Variants in CAPS observed in about 807,000 individuals in gnomAD.
CAPS encodes the protein calcyphosine, also known as calcyphosin.
CAPS carries 16 observed loss-of-function variants against 15.5 expected under a neutral mutation model. That is an observed-to-expected ratio of 1.03 (90% confidence interval 0.70 to 1.57). The LOEUF is 1.57. Ranked by LOEUF, CAPS falls within the 40% of genes most tolerant of loss-of-function variation. The pLI, the probability that CAPS is intolerant of heterozygous loss-of-function variation, is 0.00. For synonymous variants in CAPS, 121 were observed against 116.0 expected (o/e 1.04, Z -0.28); for missense variants, 294 against 278.4 (o/e 1.06, Z -0.40).
In CAPS at chr19:5,914,651, G is replaced by A. The variant is rs202009632; in HGVS notation, c.172G>A (p.Asp58Asn). 1.2e-6 allele frequency: 2 copies of A among 1,614,016 alleles called. No individual in the cohort carries two copies. Among genetic ancestry groups the A allele is most frequent in the Admixed American group, 1.7e-5 (1 of 60,030 alleles). Reference protein sequence around the residue: ...QGLAKLGLVLDQAEAEGVCRK... With the variant: ...QGLAKLGLVLNQAEAEGVCRK... ...TCTGGCCAAACTCGGGCTGGTGCTG[G>A]ACCAGGCGGAGGCAGAGGGTGTGTG... is the stretch of plus-strand genomic sequence containing the variant. Residue 58 changes from aspartate to asparagine, a missense_variant, in exon 3 of 5, where the codon GAC becomes AAC. By Grantham distance (23) the Asp-to-Asn change is conservative. Transcript: ENST00000588776.
rs748128231 is a variant in CAPS, at chr19:5,915,158, C to T, written c.468+12C>T. On this transcript the variant is annotated intron_variant, in intron 4 of 4. Coordinates refer to ENST00000588776, the MANE Select transcript of CAPS (RefSeq NM_004058.5). ...AGAAGGACGGGCAGGTGGGTGGCTG[C>T]GCGGGGGGCCCCCTCCCCAGGCAGT... 2.3e-5 allele frequency: 37 copies of T among 1,612,016 alleles called. No homozygotes were observed. The highest frequency in any genetic ancestry group is 1.6e-4 in the Middle Eastern group (1 of 6,078).
chr19:5,914,523 C>G, intron 2 of CAPS, 34 bp downstream of exon 2: 2 of 1,605,018 alleles, frequency 1.2e-6, no homozygotes, highest in Non-Finnish European at 1.7e-6. Flanking sequence ...CTGACCCCGG[C>G]CCCTGAGACC....
chr19:5,914,841 A>G, intron 3 of CAPS, 99 bp from the exon 4 acceptor site: 4 of 1,538,632 alleles, frequency 2.6e-6, no homozygotes, highest in Non-Finnish European at 3.5e-6. Flanking sequence ...GCTGCTGTTA[A>G]GAGGCGCCTG....
At position 5,914,655 on chromosome 19, in the gene CAPS, A is replaced by G. The variant is rs766060705; in HGVS notation, c.176A>G (p.Gln59Arg). Residue 59 changes from glutamine (Q) to arginine (R), a missense_variant, in exon 3 of 5, where the codon CAG becomes CGG. By Grantham distance (43) the Gln-to-Arg change is conservative (BLOSUM62 1). Transcript: ENST00000588776. ...GLAKLGLVLD[Q>R]AEAEGVCRKW... is the part of the protein sequence containing the mutation. ...GCCAAACTCGGGCTGGTGCTGGACC[A>G]GGCGGAGGCAGAGGGTGTGTGCAGG... is the stretch of plus-strand genomic sequence containing the variant. The G allele has an allele frequency of 2.5e-6, 4 of 1,613,982 alleles. No homozygotes were observed. Among genetic ancestry groups the G allele is most frequent in the Non-Finnish European group, 3.4e-6 (4 of 1,179,942 alleles).
At chr19:5,915,178 G>A (rs763616678) in intron 4 of CAPS, 32 bp downstream of exon 4, 2 of 1,611,748 alleles carry the variant, frequency 1.2e-6, no homozygotes, top group South Asian at 2.2e-5. Context: ...CCCCTCCCCA[G>A]GCAGTTCCTC....
Position 5,914,953 on chromosome 19 carries a change from A to G in CAPS, c.275A>G (p.Gln92Arg). Residue 92 changes from glutamine to arginine, a missense_variant, in exon 4 of 5, where the codon CAG becomes CGG. Physicochemically the swap from Gln to Arg is conservative, Grantham distance 43 (BLOSUM62 1). Coordinates refer to ENST00000588776, the MANE Select transcript of CAPS (RefSeq NM_004058.5). ...FLRALRPPMSQAREAVIAAAF... is the reference protein window; with the variant it reads ...FLRALRPPMSRAREAVIAAAF... ...CTCCTGTCCCAGCCCCCCATGTCCC[A>G]GGCCCGGGAGGCTGTCATCGCAGCT... The G allele has an allele frequency of 1.2e-6, 2 of 1,605,294 alleles. No homozygotes were observed. The highest frequency in any genetic ancestry group is 8.5e-7 in the Non-Finnish European group (1 of 1,179,522).
In CAPS at chr19:5,914,967, G is replaced by A. The variant is rs770465347; in HGVS notation, c.289G>A (p.Val97Ile). The A allele has an allele frequency of 6.2e-7, 1 of 1,608,232 alleles. No homozygotes were observed. The highest frequency in any genetic ancestry group is 1.1e-5 in the South Asian group (1 of 91,038). ...CCCCATGTCCCAGGCCCGGGAGGCTGTCATCGCAGCTGCATTTGCCAAGCT... is the reference window on the plus strand; with the variant it reads ...CCCCATGTCCCAGGCCCGGGAGGCTATCATCGCAGCTGCATTTGCCAAGCT... Reference protein sequence around the residue: ...RPPMSQAREAVIAAAFAKLDR... With the variant: ...RPPMSQAREAIIAAAFAKLDR... Residue 97 changes from valine to isoleucine, a missense_variant, in exon 4 of 5, where the codon GTC (valine) becomes ATC (isoleucine). Physicochemically the swap from Val to Ile is conservative, Grantham distance 29. Coordinates refer to ENST00000588776, the MANE Select transcript of CAPS (RefSeq NM_004058.5).
rs567723526 is a variant in CAPS at position 5,915,359 on chromosome 19, C to T, written c.*37C>T. 2.7e-6 allele frequency: 4 copies of T among 1,456,290 alleles called. No homozygotes were observed. In the South Asian group the frequency reaches 3.6e-5, roughly 13 times the overall value. 90.2% of individuals were successfully genotyped at this position (1,456,290 alleles called of 1,614,324 possible). On this transcript the variant is annotated 3_prime_UTR_variant, in exon 5 of 5. Transcript: ENST00000588776. Reference sequence around the variant, plus strand: ...TCAGCCCTGCTGCCCTGGCCTGTCACTCCCCACCCCTGCCGGAGACCTCCC... The same window carrying T: ...TCAGCCCTGCTGCCCTGGCCTGTCATTCCCCACCCCTGCCGGAGACCTCCC...
Position 5,915,567 on chromosome 19 carries a change from G to T in CAPS, c.*245G>T. On this transcript the variant is annotated 3_prime_UTR_variant, in exon 5 of 5. Coordinates refer to ENST00000588776, the MANE Select transcript of CAPS (RefSeq NM_004058.5). Reference sequence around the variant, plus strand: ...AGGGAGAAACGCTCTCCCCACCCACGCCATGCTGACCAGAGATCTTGCAGC... The same window carrying T: ...AGGGAGAAACGCTCTCCCCACCCACTCCATGCTGACCAGAGATCTTGCAGC... 1 of 497,178 alleles carries T rather than the reference G, an allele frequency of 2.0e-6. No homozygotes were observed. The allele number at this position is 497,178 out of a possible 1,614,324, so 30.8% of individuals were successfully genotyped here.
rs13004 is a variant in CAPS, at chr19:5,915,583, A to G, written c.*261A>G. On this transcript the variant is annotated 3_prime_UTR_variant, in exon 5 of 5. Transcript: ENST00000588776. ...CCCACCCACGCCATGCTGACCAGAGATCTTGCAGCCCCTGTGGATGCCCCC... is the reference window on the plus strand; with the variant it reads ...CCCACCCACGCCATGCTGACCAGAGGTCTTGCAGCCCCTGTGGATGCCCCC... The G allele has an allele frequency of 0.87, 378,727 of 434,592 alleles. 165,540 individuals carry two copies. Among genetic ancestry groups the G allele is most frequent in the African/African-American group, 0.96 (48,825 of 50,758 alleles). 26.9% of individuals were successfully genotyped at this position (434,592 alleles called of 1,614,324 possible).
At chr19:5,914,516 A>G in intron 2 of CAPS, 27 bp downstream of exon 2, 1 of 1,605,160 alleles carries the variant, frequency 6.2e-7, no homozygotes, top group Non-Finnish European at 8.5e-7. Flanking sequence ...CACCTTCCTG[A>G]CCCCGGCCCC....
At chr19:5,915,188 C>T (rs377137926) in intron 4 of CAPS, 33 bp from the exon 5 acceptor site, 27 of 1,610,242 alleles carry the variant, frequency 1.7e-5, no homozygotes, top group Middle Eastern at 1.7e-4. Flanking sequence ...GGCAGTTCCT[C>T]GGCCGTGCCC....
chr19:5,915,046 G>GT lies in CAPS; in HGVS notation c.369dup (p.Gly124TrpfsTer29). On this transcript the variant is annotated frameshift_variant, in exon 4 of 5. Transcript: ENST00000588776. LOFTEE classifies it high-confidence loss of function. Reference sequence around the variant, plus strand: ...GTGGACGACCTCCGCGGGGTGTACAGTGGCCGTGCCCACCCCAAGGTGCGC... The same window carrying GT: ...GTGGACGACCTCCGCGGGGTGTACAGTTGGCCGTGCCCACCCCAAGGTGCGC... 4 of 1,612,926 alleles carry GT rather than the reference G, an allele frequency of 2.5e-6. No homozygotes were observed. The highest frequency in any genetic ancestry group is 3.4e-6 in the Non-Finnish European group (4 of 1,179,894).
Position 5,915,482 on chromosome 19 carries a change from C to A in CAPS, c.*160C>A. ...CAGGACTGGCTAGACCAGGTCCCTG[C>A]CGGTCCACCAGGCGGAGGTGGGACA... On this transcript the variant is annotated 3_prime_UTR_variant, in exon 5 of 5. Coordinates refer to ENST00000588776, the MANE Select transcript of CAPS (RefSeq NM_004058.5). 1 of 598,232 alleles carries A rather than the reference C, an allele frequency of 1.7e-6. No individual in the cohort carries two copies. Among genetic ancestry groups the A allele is most frequent in the African/African-American group, 1.9e-5 (1 of 53,832 alleles). The allele number at this position is 598,232 out of a possible 1,614,324, so 37.1% of individuals were successfully genotyped here. A position where few individuals can be genotyped will look rare whatever the true frequency, so the allele number is the denominator to read the frequency against.
Position 5,915,112 on chromosome 19 carries a change from T to C in CAPS, c.434T>C (p.Leu145Pro), listed in dbSNP as rs142947292. The C allele has an allele frequency of 1.1e-5, 17 of 1,613,282 alleles. No homozygotes were observed. Among genetic ancestry groups the C allele is most frequent in the Non-Finnish European group, 1.4e-5 (16 of 1,179,864 alleles). ...GAGGACGAGGTGCTGCGCCGCTTCC[T>C]GGACAACTTCGACTCCTCTGAGAAG... Reference protein sequence around the residue: ...WTEDEVLRRFLDNFDSSEKDG... With the variant: ...WTEDEVLRRFPDNFDSSEKDG... The change falls in exon 4 of 5, where the codon CTG becomes CCG. Residue 145 changes from leucine (L) to proline (P), a missense_variant. Coordinates refer to ENST00000588776, the MANE Select transcript of CAPS (RefSeq NM_004058.5).
At position 5,915,348 on chromosome 19, in the gene CAPS, C is replaced by T; in HGVS notation, c.*26C>T. ...GCAGCTCCGGCTCAGCCCTGCTGCC[C>T]TGGCCTGTCACTCCCCACCCCTGCC... is the stretch of plus-strand genomic sequence containing the variant. On this transcript the variant is annotated 3_prime_UTR_variant, in exon 5 of 5. Transcript: ENST00000588776. 6.5e-7 allele frequency: 1 copy of T among 1,538,884 alleles called. No individual in the cohort carries two copies. Among genetic ancestry groups the T allele is most frequent in the Non-Finnish European group, 8.9e-7 (1 of 1,128,910 alleles).
In CAPS at chr19:5,916,017, C is replaced by G. The variant is rs2144987365; in HGVS notation, c.*695C>G. 1 of 152,062 alleles carries G rather than the reference C, an allele frequency of 6.6e-6. No individual in the cohort carries two copies. Among genetic ancestry groups the G allele is most frequent in the African/African-American group, 2.4e-5 (1 of 41,442 alleles). 9.4% of individuals were successfully genotyped at this position (152,062 alleles called of 1,614,324 possible). A position where few individuals can be genotyped will look rare whatever the true frequency, so the allele number is the denominator to read the frequency against. On this transcript the variant is annotated 3_prime_UTR_variant, in exon 5 of 5. Coordinates refer to ENST00000588776, the MANE Select transcript of CAPS (RefSeq NM_004058.5). ...GAACAGGGCTGTGGCTGGACCCCAGCACTGGTGACACGCTGGGTGGGAGCA... is the reference window on the plus strand; with the variant it reads ...GAACAGGGCTGTGGCTGGACCCCAGGACTGGTGACACGCTGGGTGGGAGCA...
In CAPS at chr19:5,914,702, G is replaced by C; in HGVS notation, c.223G>C (p.Gly75Arg). 1 of 1,613,620 alleles carries C rather than the reference G, an allele frequency of 6.2e-7. No individual in the cohort carries two copies. Among genetic ancestry groups the C allele is most frequent in the Non-Finnish European group, 8.5e-7 (1 of 1,179,828 alleles). Residue 75 changes from glycine to arginine, a missense_variant, in exon 3 of 5, where the codon GGG becomes CGG. Coordinates refer to ENST00000588776, the MANE Select transcript of CAPS (RefSeq NM_004058.5). ...CAGGAAGTGGGACCGCAATGGCAGCGGGACGCTGGATCTGGAGGAGTTCCT... is the reference window on the plus strand; with the variant it reads ...CAGGAAGTGGGACCGCAATGGCAGCCGGACGCTGGATCTGGAGGAGTTCCT... Reference protein sequence around the residue: ...VCRKWDRNGSGTLDLEEFLRA... With the variant: ...VCRKWDRNGSRTLDLEEFLRA...
chr19:5,916,194 T>A lies in CAPS; in HGVS notation c.*872T>A, dbSNP rs540668079. On this transcript the variant is annotated 3_prime_UTR_variant, in exon 5 of 5. Coordinates refer to ENST00000588776, the MANE Select transcript of CAPS (RefSeq NM_004058.5). ...ATACATTTCATATGACAATCTTACA[T>A]AAATGTTCCAAAACACATGGGCGTT... 3 of 152,290 alleles carry A rather than the reference T, an allele frequency of 2.0e-5. No individual in the cohort carries two copies. The highest frequency in any genetic ancestry group is 7.2e-5 in the African/African-American group (3 of 41,552). The allele number at this position is 152,290 out of a possible 1,614,324, so 9.4% of individuals were successfully genotyped here.
Sources: gnomAD v4.1 joint callset for allele counts on GRCh38, gnomAD v4.1.1 for gene constraint, MANE v1.5 for transcripts, NCBI Gene and HGNC (gene_info 2026-07-23, HGNC 2026-07-21) for gene names.